The following RALYL variants were observed in gnomAD, a reference collection of about 807,000 sequenced individuals.
RALYL encodes RNA-binding Raly-like protein.
In RALYL, 29 loss-of-function variants were observed where a neutral mutation model predicts 35.1. The ratio of observed to expected loss-of-function variants is 0.83; its 90% CI spans 0.61 to 1.13. RALYL has a LOEUF of 1.13. Ranked by LOEUF, RALYL falls within the 50% of genes most tolerant of loss-of-function variation. The pLI, the probability that RALYL is intolerant of heterozygous loss-of-function variation, is 0.00. For missense variants in RALYL, 359 were observed against 360.4 expected (o/e 1.00, Z 0.03); for synonymous variants, 120 against 127.6 (o/e 0.94, Z 0.40).
intron 1 of RALYL, among the ~76,000 whole-genome samples, chr8:84,258,619 T>A (rs565267708): frequency 6.6e-6 from 1 of 152,304 alleles, no homozygotes; most frequent in East Asian, 1.9e-4. Flanking sequence ...ATTCTCATTC[T>A]TAAGATTGTA....
chr8:84,587,398 A>G (rs1187223823), intron 2 of RALYL, among the ~76,000 whole-genome samples: 2 of 152,210 alleles, frequency 1.3e-5, no homozygotes, highest in African/African-American at 4.8e-5. Flanking sequence ...TTATTTCAAA[A>G]TATGTTTTCC....
chr8:84,841,141 C>T (rs2134586483), intron 4 of RALYL, among the ~76,000 whole-genome samples: 1 of 152,208 alleles, frequency 6.6e-6, no homozygotes, highest in Admixed American at 6.5e-5. Context: ...TGTAAATGGG[C>T]TAAATGCTCC....
intron 2 of RALYL, among the ~76,000 whole-genome samples, chr8:84,682,470 T>A (rs1835772416): frequency 6.6e-6 from 1 of 152,204 alleles, no homozygotes; most frequent in African/African-American, 2.4e-5. Context: ...CATCTGGTCC[T>A]GGACGTTTTT....
chr8:84,381,507 C>T (rs2131607028), intron 1 of RALYL, among the ~76,000 whole-genome samples: 1 of 151,984 alleles, frequency 6.6e-6, no homozygotes, highest in African/African-American at 2.4e-5. Context: ...ATCTTAATTT[C>T]TTTTTTTCTA....
intron 2 of RALYL, among the ~76,000 whole-genome samples, chr8:84,669,305 G>A (rs2131788196): frequency 6.6e-6 from 1 of 152,082 alleles, no homozygotes; most frequent in East Asian, 1.9e-4. Context: ...GCTTGGGCAG[G>A]GCCATTTGGG....
intron 2 of RALYL, among the ~76,000 whole-genome samples, chr8:84,563,223 A>G (rs1213060799): frequency 6.6e-6 from 1 of 151,868 alleles, no homozygotes; most frequent in Non-Finnish European, 1.5e-5. Flanking sequence ...ACAGGGACAG[A>G]TACAGATAAT....
At chr8:84,593,868 G>C (rs967594341) in intron 2 of RALYL, among the ~76,000 whole-genome samples, 1 of 152,014 alleles carries the variant, frequency 6.6e-6, no homozygotes, top group East Asian at 1.9e-4. Context: ...CTTTTGTCCA[G>C]ATTTAACACA....
intron 1 of RALYL, among the ~76,000 whole-genome samples, chr8:84,273,750 GGGCAAGAGCCTTTTTATTAAAAATCA>G (rs1254769329): frequency 3.3e-5 from 5 of 152,166 alleles, no homozygotes; most frequent in African/African-American, 1.2e-4. Flanking sequence ...AACAATTGAA[GGGCAAGAGCCTTTTTATTAAAAATCA>G]GGCAATATAA....
chr8:84,892,480 G>A (rs1176416790), intron 8 of RALYL, among the ~76,000 whole-genome samples: 4 of 151,856 alleles, frequency 2.6e-5, no homozygotes, highest in African/African-American at 9.7e-5. Context: ...CATGGTAGCA[G>A]GTACCTGTAA....
At chr8:84,736,842 A>T (rs1847399296) in intron 2 of RALYL, among the ~76,000 whole-genome samples, 1 of 152,058 alleles carries the variant, frequency 6.6e-6, no homozygotes, top group Non-Finnish European at 1.5e-5. Flanking sequence ...TTCATGATAG[A>T]TATTATGTTA....
intron 2 of RALYL, among the ~76,000 whole-genome samples, chr8:84,616,944 G>T (rs999230457): frequency 4.0e-5 from 6 of 149,850 alleles, no homozygotes; most frequent in Non-Finnish European, 4.5e-5. Flanking sequence ...CTGTTCCATT[G>T]ATCTATATCT....
chr8:84,289,169 A>C (rs190026730), intron 1 of RALYL, among the ~76,000 whole-genome samples: 243 of 152,310 alleles, frequency 1.6e-3, no homozygotes, highest in African/African-American at 5.6e-3. Context: ...AGCATCCCAC[A>C]AAATTGGGAA....
intron 7 of RALYL, among the ~76,000 whole-genome samples, chr8:84,875,786 C>T (rs1465233104): frequency 6.6e-6 from 1 of 152,076 alleles, no homozygotes; most frequent in African/African-American, 2.4e-5. Flanking sequence ...TCAGTGGCTC[C>T]TTATTCAAGG....
chr8:84,516,813 G>C (rs1053226328), intron 1 of RALYL, among the ~76,000 whole-genome samples: 1 of 151,998 alleles, frequency 6.6e-6, no homozygotes, highest in Non-Finnish European at 1.5e-5. Flanking sequence ...GCTGATATGG[G>C]TATTCTATCT....
At chr8:84,733,089 C>T (rs576833364) in intron 2 of RALYL, among the ~76,000 whole-genome samples, 5 of 151,976 alleles carry the variant, frequency 3.3e-5, no homozygotes, top group South Asian at 2.1e-4. Context: ...TCATAGTGAC[C>T]GATAAAAGTG....
intron 1 of RALYL, among the ~76,000 whole-genome samples, chr8:84,440,611 C>T (rs1343961423): frequency 6.6e-6 from 1 of 152,056 alleles, no homozygotes; most frequent in Non-Finnish European, 1.5e-5. Flanking sequence ...AACCTACTCT[C>T]TTAAGTCTTG....
intron 2 of RALYL, among the ~76,000 whole-genome samples, chr8:84,738,429 G>C (rs1389994791): frequency 6.6e-6 from 1 of 152,030 alleles, no homozygotes; most frequent in Non-Finnish European, 1.5e-5. Context: ...ATGAGTCATT[G>C]CAGGAATGCT....
intron 2 of RALYL, among the ~76,000 whole-genome samples, chr8:84,535,211 T>A (rs1484186182): frequency 6.6e-6 from 1 of 152,210 alleles, no homozygotes; most frequent in Admixed American, 6.5e-5. Flanking sequence ...AGAAATGAAC[T>A]TAGTCTATAT....
intron 2 of RALYL, among the ~76,000 whole-genome samples, chr8:84,724,441 T>A (rs1297714744): frequency 6.6e-6 from 1 of 151,872 alleles, no homozygotes; most frequent in Admixed American, 6.6e-5. Flanking sequence ...GCTAGCCATC[T>A]ACTTAGTTAT....
Sources: gnomAD v4.1 joint callset for allele counts (sites outside exome capture counted in the v4.1 genomes callset) on GRCh38, gnomAD v4.1.1 for gene constraint, MANE v1.5 for transcripts, NCBI Gene and HGNC (gene_info 2026-07-23, HGNC 2026-07-21) for gene names.